The following KIAA1217 variants were observed in gnomAD, a reference collection of about 807,000 sequenced individuals.
The protein encoded by KIAA1217 is sickle tail protein homolog.
KIAA1217 carries 88 observed loss-of-function variants against 163.9 expected under a neutral mutation model. That is an observed-to-expected ratio of 0.54 (90% CI 0.45 to 0.64). The LOEUF is 0.64. Ranked by LOEUF, KIAA1217 falls within the 30% of genes least tolerant of loss-of-function variation. KIAA1217 has a pLI of 0.00. For missense variants in KIAA1217, 2,372 were observed against 2,475.0 expected (o/e 0.96, Z 0.88); for synonymous variants, 903 against 923.1 (o/e 0.98, Z 0.39).
intron 2 of KIAA1217, among the ~76,000 whole-genome samples, chr10:24,317,310 G>C (rs2043524424): frequency 6.6e-6 from 1 of 151,560 alleles, no homozygotes; most frequent in African/African-American, 2.4e-5. Flanking sequence ...TTTCAGCCAG[G>C]GTCCTGCTAT....
intron 2 of KIAA1217, among the ~76,000 whole-genome samples, chr10:24,148,770 C>G (rs1239803879): frequency 3.3e-5 from 5 of 152,156 alleles, no homozygotes; most frequent in Non-Finnish European, 5.9e-5. Flanking sequence ...ACAAATTATC[C>G]AGTCTCAAGT....
intron 1 of KIAA1217, among the ~76,000 whole-genome samples, chr10:23,762,308 C>T (rs1272623892): frequency 7.7e-6 from 1 of 129,558 alleles, no homozygotes; most frequent in African/African-American, 3.7e-5. Flanking sequence ...CTGGAAGAGA[C>T]ACAACAAAAA....
intron 10 of KIAA1217, among the ~76,000 whole-genome samples, chr10:24,519,246 C>T (rs1018245190): frequency 3.9e-5 from 6 of 152,076 alleles, no homozygotes; most frequent in Admixed American, 2.0e-4. Flanking sequence ...GATTTTTCTC[C>T]GTAGATTTAT....
At position 24,009,104 on chromosome 10, in the gene KIAA1217, G is replaced by A. The variant is rs138565444; in HGVS notation, c.-171+1730G>A. ...TGTTTTGTTGCCTGAATTGGGATTGGAGGGCACTAAAAGAACTTGCAACCA... is the reference window on the plus strand; with the variant it reads ...TGTTTTGTTGCCTGAATTGGGATTGAAGGGCACTAAAAGAACTTGCAACCA... On this transcript the variant is annotated intron_variant, in intron 2 of 18. Transcript: ENST00000376462. Among the ~76,000 whole-genome samples the A allele has an allele frequency of 4.7e-4, 72 of 152,278 alleles. 1 individual carries two copies. Among genetic ancestry groups the A allele is most frequent in the African/African-American group, 1.5e-3 (62 of 41,540 alleles).
chr10:23,963,882 T>A (rs1340910726), intron 1 of KIAA1217, among the ~76,000 whole-genome samples: 4 of 150,758 alleles, frequency 2.7e-5, no homozygotes, highest in Non-Finnish European at 5.9e-5. Context: ...ATGAGCTTTT[T>A]TTCTTTTCTC....
At chr10:24,412,187 A>G (rs1030315757) in intron 3 of KIAA1217, among the ~76,000 whole-genome samples, 4 of 152,210 alleles carry the variant, frequency 2.6e-5, no homozygotes, top group Non-Finnish European at 5.9e-5. Context: ...CCAAAAAAAA[A>G]AAAGAGAAGA....
rs12357320 is a variant in KIAA1217, at chr10:24,497,424, C to T, written c.1834+2228C>T. On this transcript the variant is annotated intron_variant, in intron 8 of 20. Transcript: ENST00000376454. ...GGGAGGTTAGGTTAGTTTTCCAAAG[C>T]GACACAGCTATTAAGAGTGACAGCC... 5.9e-5 allele frequency among the ~76,000 whole-genome samples: 9 copies of T among 152,208 alleles called. No individual in the cohort carries two copies. The East Asian group carries it at 7.7e-4, about 13-fold the overall frequency.
chr10:23,852,855 A>C (rs1444016569), intron 1 of KIAA1217, among the ~76,000 whole-genome samples: 1 of 152,108 alleles, frequency 6.6e-6, no homozygotes, highest in Admixed American at 6.6e-5. Context: ...TGATTTTTGT[A>C]CATTGATTTT....
intron 1 of KIAA1217, among the ~76,000 whole-genome samples, chr10:23,842,535 G>A (rs929652583): frequency 2.0e-5 from 3 of 152,094 alleles, no homozygotes; most frequent in African/African-American, 7.2e-5. Context: ...AAGAGGCTAA[G>A]AAATAATTTG....
chr10:23,767,348 T>A (rs1834583721), intron 1 of KIAA1217, among the ~76,000 whole-genome samples: 1 of 152,050 alleles, frequency 6.6e-6, no homozygotes, highest in Non-Finnish European at 1.5e-5. Flanking sequence ...GAATTGGAGG[T>A]GGCTGATCTG....
intron 2 of KIAA1217, among the ~76,000 whole-genome samples, chr10:24,291,841 C>A (rs1045171176): frequency 1.3e-5 from 2 of 152,192 alleles, no homozygotes; most frequent in East Asian, 1.9e-4. Context: ...TACAGGGAAT[C>A]CTGAAAGTCT....
At chr10:24,374,995 A>G (rs1468610388) in intron 2 of KIAA1217, among the ~76,000 whole-genome samples, 1 of 152,128 alleles carries the variant, frequency 6.6e-6, no homozygotes, top group Non-Finnish European at 1.5e-5. Flanking sequence ...TAGGTTGCCC[A>G]TGCTGGTCTT....
intron 2 of KIAA1217, among the ~76,000 whole-genome samples, chr10:24,031,546 C>T (rs551908801): frequency 1.1e-4 from 16 of 152,272 alleles, no homozygotes; most frequent in African/African-American, 3.8e-4. Context: ...ATGATCCGCC[C>T]ACCTTGGCCT....
chr10:23,875,441 A>G (rs1330871723), intron 1 of KIAA1217, among the ~76,000 whole-genome samples: 1 of 151,974 alleles, frequency 6.6e-6, no homozygotes, highest in Non-Finnish European at 1.5e-5. Context: ...GTTGGCCTCT[A>G]TTTTAACCAC....
intron 1 of KIAA1217, among the ~76,000 whole-genome samples, chr10:23,732,200 G>C (rs913899931): frequency 6.6e-6 from 1 of 152,092 alleles, no homozygotes; most frequent in East Asian, 1.9e-4. Context: ...GCATTCACCA[G>C]TGATCCATTT....
At chr10:23,995,790 T>A (rs189749332) in intron 1 of KIAA1217, among the ~76,000 whole-genome samples, 17 of 152,252 alleles carry the variant, frequency 1.1e-4, no homozygotes, top group African/African-American at 3.8e-4. Flanking sequence ...TTCTAATTAG[T>A]TAAACAGTAA....
intron 17 of KIAA1217, among the ~76,000 whole-genome samples, chr10:24,539,820 AT>A (rs1038227462): frequency 6.6e-6 from 1 of 152,054 alleles, no homozygotes; most frequent in Non-Finnish European, 1.5e-5. Context: ...TTTCTTAAGC[AT>A]TTTTTCTCCT....
At chr10:23,785,898 T>A in intron 1 of KIAA1217, among the ~76,000 whole-genome samples, 1 of 150,648 alleles carries the variant, frequency 6.6e-6, no homozygotes, top group African/African-American at 2.4e-5. Context: ...ATGGGGTGAG[T>A]GGGATACATA....
chr10:23,864,469 A>T (rs1185127531), intron 1 of KIAA1217, among the ~76,000 whole-genome samples: 1 of 151,368 alleles, frequency 6.6e-6, no homozygotes, highest in African/African-American at 2.4e-5. Flanking sequence ...TTTATATTAT[A>T]TTTCTAATTT....
Sources: allele counts gnomAD v4.1 joint callset (sites outside exome capture counted in the v4.1 genomes callset), GRCh38; gene constraint gnomAD v4.1.1; transcripts MANE v1.5; gene names NCBI Gene and HGNC (gene_info 2026-07-23, HGNC 2026-07-21).